DCC: variants seen among roughly 807,000 people sequenced by gnomAD.
DCC encodes the protein DCC netrin 1 receptor, also known as netrin receptor DCC.
DCC carries 58 observed loss-of-function variants against 172.5 expected under a neutral mutation model. The ratio of observed to expected loss-of-function variants is 0.34; its 90% CI spans 0.27 to 0.42. The LOEUF is 0.42. DCC is among the 10% of genes least tolerant of loss of function. DCC has a pLI of 1.00. For synonymous variants in DCC, 709 were observed against 644.5 expected (o/e 1.10, Z -1.52); for missense variants, 1,740 against 1,791.0 (o/e 0.97, Z 0.51).
chr18:52,426,270 T>C (rs891214538), intron 1 of DCC, among the ~76,000 whole-genome samples: 1 of 151,106 alleles, frequency 6.6e-6, no homozygotes, highest in Non-Finnish European at 1.5e-5. Context: ...GAATCATTCC[T>C]TACTAAAGTC....
intron 2 of DCC, among the ~76,000 whole-genome samples, chr18:52,824,322 A>AG (rs1344371891): frequency 2.0e-5 from 3 of 152,172 alleles, no homozygotes; most frequent in Non-Finnish European, 4.4e-5. Flanking sequence ...TTGTGAGAAA[A>AG]GAAAAACAGT....
intron 1 of DCC, among the ~76,000 whole-genome samples, chr18:52,678,395 T>A (rs1472111190): frequency 6.6e-6 from 1 of 152,192 alleles, no homozygotes; most frequent in Non-Finnish European, 1.5e-5. Context: ...CTATTGTTTA[T>A]ATGCGTTCAT....
chr18:52,415,924 A>G lies in DCC; in HGVS notation c.91+75046A>G, dbSNP rs145307676. 5.8e-3 allele frequency among the ~76,000 whole-genome samples: 881 copies of G among 152,078 alleles called. 4 individuals carry two copies. Among genetic ancestry groups the G allele is most frequent in the African/African-American group, 0.014 (598 of 41,478 alleles). On this transcript the variant is annotated intron_variant, in intron 1 of 28. Coordinates refer to ENST00000442544, the MANE Select transcript of DCC (RefSeq NM_005215.4). ...TCTTGCCGTCTGCTAGCTTTTGAATATGTTTGCTCTTGCTTTTCTAGTTCT... is the reference window on the plus strand; with the variant it reads ...TCTTGCCGTCTGCTAGCTTTTGAATGTGTTTGCTCTTGCTTTTCTAGTTCT...
chr18:53,490,951 G>A (rs1482965695), intron 26 of DCC, among the ~76,000 whole-genome samples: 1 of 152,112 alleles, frequency 6.6e-6, no homozygotes, highest in Non-Finnish European at 1.5e-5. Context: ...TTAGGGATTG[G>A]TGATATATTC....
chr18:52,392,720 C>T (rs1018060995), intron 1 of DCC, among the ~76,000 whole-genome samples: 1 of 152,050 alleles, frequency 6.6e-6, no homozygotes, highest in African/African-American at 2.4e-5. Context: ...ACATTATTTA[C>T]TTTGGTGTGT....
At chr18:52,646,354 T>C (rs1412850704) in intron 1 of DCC, among the ~76,000 whole-genome samples, 1 of 152,178 alleles carries the variant, frequency 6.6e-6, no homozygotes, top group Non-Finnish European at 1.5e-5. Context: ...GTGTGGTGTT[T>C]TTTTCCCCAC....
At chr18:52,655,768 A>G (rs1297585293) in intron 1 of DCC, among the ~76,000 whole-genome samples, 1 of 152,082 alleles carries the variant, frequency 6.6e-6, no homozygotes, top group African/African-American at 2.4e-5. Flanking sequence ...GAAAATTTAA[A>G]AAATAGTTAA....
chr18:53,460,692 T>C (rs2045547278), intron 24 of DCC, among the ~76,000 whole-genome samples: 1 of 152,140 alleles, frequency 6.6e-6, no homozygotes, highest in Non-Finnish European at 1.5e-5. Context: ...GTTGGACATT[T>C]GGGTTGGTTC....
At chr18:52,872,603 C>T (rs1057014053) in intron 2 of DCC, among the ~76,000 whole-genome samples, 4 of 152,156 alleles carry the variant, frequency 2.6e-5, no homozygotes, top group Non-Finnish European at 5.9e-5. Context: ...GAACAGGAGA[C>T]TCATCTCTGC....
chr18:52,493,327 T>G (rs1246488632), intron 1 of DCC, among the ~76,000 whole-genome samples: 1 of 152,066 alleles, frequency 6.6e-6, no homozygotes, highest in African/African-American at 2.4e-5. Flanking sequence ...GCAGGACGGT[T>G]GTTTTGTAAA....
intron 9 of DCC, among the ~76,000 whole-genome samples, chr18:53,204,162 T>G (rs1436743288): frequency 7.4e-6 from 1 of 135,272 alleles, no homozygotes; most frequent in African/African-American, 3.0e-5. Flanking sequence ...AACAGGGTGC[T>G]ACTACAGACC....
At chr18:52,998,416 G>C (rs1568235813) in intron 5 of DCC, among the ~76,000 whole-genome samples, 1 of 152,066 alleles carries the variant, frequency 6.6e-6, no homozygotes. Context: ...CATCGCTCTA[G>C]ACACGAGCAT....
intron 2 of DCC, among the ~76,000 whole-genome samples, chr18:52,875,511 C>T (rs1051305477): frequency 2.0e-5 from 3 of 152,108 alleles, no homozygotes; most frequent in Non-Finnish European, 2.9e-5. Flanking sequence ...TAGGAAGTTA[C>T]GTAGAATGGT....
chr18:52,727,369 G>C (rs551071367), intron 1 of DCC, among the ~76,000 whole-genome samples: 4 of 152,242 alleles, frequency 2.6e-5, no homozygotes, highest in Admixed American at 6.5e-5. Context: ...AAGTTTCCAA[G>C]AGTTAGGATA....
intron 1 of DCC, among the ~76,000 whole-genome samples, chr18:52,396,290 C>G (rs1030596048): frequency 1.4e-5 from 2 of 139,832 alleles, no homozygotes; most frequent in African/African-American, 2.6e-5. Flanking sequence ...CACCCCCCCC[C>G]CACCCCGCCC....
intron 7 of DCC, 21 bp downstream of exon 7, chr18:53,066,187 C>T (rs746894692): frequency 2.8e-5 from 45 of 1,609,462 alleles, no homozygotes; most frequent in Non-Finnish European, 3.6e-5. Context: ...GGGAACCTTG[C>T]TTTGGTACCT....
chr18:52,756,910 A>G (rs1235928256), intron 2 of DCC: 1 of 152,254 alleles, frequency 6.6e-6, no homozygotes, highest in East Asian at 1.9e-4. Flanking sequence ...AATAATTATT[A>G]GGAATGAACA....
In DCC at chr18:53,211,144, A is replaced by G. The variant is rs113421723; in HGVS notation, c.1861+3327A>G. Among the ~76,000 whole-genome samples, 1,135 of 152,332 alleles carry G rather than the reference A, an allele frequency of 7.5e-3. 16 individuals are homozygous for G. The highest frequency in any genetic ancestry group is 0.024 in the African/African-American group (1,010 of 41,582). On this transcript the variant is annotated intron_variant, in intron 11 of 28. Transcript: ENST00000442544. ...AGAAGGACCTGATTTCATAGGCAAC[A>G]TAAGAATGTGCTTATTATTTTTATG...
intron 1 of DCC, among the ~76,000 whole-genome samples, chr18:52,589,082 C>A (rs2144792876): frequency 6.6e-6 from 1 of 152,188 alleles, no homozygotes. Context: ...GGTTTTAGTT[C>A]AAATGATCTA....
Sources: gnomAD v4.1 joint callset for allele counts (sites outside exome capture counted in the v4.1 genomes callset) on GRCh38, gnomAD v4.1.1 for gene constraint, MANE v1.5 for transcripts, NCBI Gene and HGNC (gene_info 2026-07-23, HGNC 2026-07-21) for gene names.